The following NEDD9 variants were observed in gnomAD, a reference collection of about 807,000 sequenced individuals.
NEDD9 encodes the protein enhancer of filamentation 1.
NEDD9 carries 26 observed loss-of-function variants against 76.6 expected under a neutral mutation model. The observed-to-expected ratio is 0.34, with a 90% confidence interval of 0.25 to 0.47. The LOEUF is 0.47. Ranked by LOEUF, NEDD9 falls within the 20% of genes least tolerant of loss-of-function variation. The pLI is 1.00. For synonymous variants in NEDD9, 392 were observed against 414.2 expected, an observed-to-expected ratio of 0.95 and a Z score of 0.65; for missense variants, 937 against 1,058.5, an observed-to-expected ratio of 0.89 and a Z score of 1.59.
intron 1 of NEDD9, among the ~76,000 whole-genome samples, chr6:11,346,411 G>A (rs746655569): frequency 2.6e-5 from 4 of 151,928 alleles, no homozygotes; most frequent in African/African-American, 4.8e-5. Context: ...AAAGAGCAAC[G>A]CTGTTAATTA....
In NEDD9 at chr6:11,210,949, GC is replaced by G. The variant is rs561810560; in HGVS notation, c.459+2331del. 2.1e-3 allele frequency among the ~76,000 whole-genome samples: 315 copies of G among 152,274 alleles called. 2 individuals are homozygous for G. Among genetic ancestry groups the G allele is most frequent in the African/African-American group, 7.3e-3 (305 of 41,566 alleles). On this transcript the variant is annotated intron_variant, in intron 2 of 6. Coordinates refer to ENST00000379446, the MANE Select transcript of NEDD9 (RefSeq NM_006403.4). ...GCCCTTGGTATTTGGCAGGGAAGGT[GC>G]CAGGGCCACCCTCTTGCCCTCCCCA...
chr6:11,245,787 C>T (rs1759794940), intron 3 of NEDD9, among the ~76,000 whole-genome samples: 2 of 152,106 alleles, frequency 1.3e-5, no homozygotes, highest in South Asian at 4.1e-4. Context: ...TGCTCTTGTA[C>T]AATATATTTA....
chr6:11,293,340 C>T (rs377195338), intron 3 of NEDD9, among the ~76,000 whole-genome samples: 57 of 152,178 alleles, frequency 3.7e-4, no homozygotes, highest in African/African-American at 1.3e-3. Context: ...ACCTTTCTGG[C>T]GCCACAGTGC....
At chr6:11,277,243 C>T (rs1760436763) in intron 3 of NEDD9, among the ~76,000 whole-genome samples, 2 of 152,194 alleles carry the variant, frequency 1.3e-5, no homozygotes, top group South Asian at 2.1e-4. Context: ...CCTCTACTTA[C>T]ACCACTGAGT....
intron 1 of NEDD9, among the ~76,000 whole-genome samples, chr6:11,227,265 A>G (rs1250946767): frequency 6.6e-6 from 1 of 152,212 alleles, no homozygotes; most frequent in Non-Finnish European, 1.5e-5. Flanking sequence ...TCTGTCACCA[A>G]GTCTTGAGTA....
rs138467058 is a variant in NEDD9 at position 11,338,649 on chromosome 6, C to T, written c.-213-4088G>A. 2.8e-3 allele frequency among the ~76,000 whole-genome samples: 428 copies of T among 152,170 alleles called. 1 individual carries two copies. Among genetic ancestry groups the T allele is most frequent in the African/African-American group, 8.8e-3 (366 of 41,506 alleles). On this transcript the variant is annotated intron_variant, in intron 1 of 3. Coordinates refer to the NEDD9 transcript ENST00000397378. ...CTTTTAAAAATTAAATTAGGCTGAG[C>T]GCAGTGGCTCACACCTGTAATCCCA...
Position 11,213,372 on chromosome 6 carries a change from C to T in NEDD9, c.368G>A (p.Gly123Asp), listed in dbSNP as rs1422284170. 2 of 1,613,946 alleles carry T rather than the reference C, an allele frequency of 1.2e-6. No individual in the cohort carries two copies. The highest frequency in any genetic ancestry group is 1.7e-6 in the Non-Finnish European group (2 of 1,180,024). Residue 123 changes from glycine (G) to aspartate (D), a missense_variant, in exon 2 of 7, where the codon GGC becomes GAC. Transcript: ENST00000379446. This position sits in a 1 kb window ranked among gnomAD's most constrained non-coding sequence, Gnocchi z 5.4. Reference protein sequence around the residue: ...QNQGIYQVPTGHGTQEQEVYQ... With the variant: ...QNQGIYQVPTDHGTQEQEVYQ... ...TACCTCTTGTTCTTGGGTGCCGTGG[C>T]CAGTGGGGACTTGGTAAATTCCCTG...
At chr6:11,315,488 C>A (rs935297102) in intron 2 of NEDD9, among the ~76,000 whole-genome samples, 1 of 152,222 alleles carries the variant, frequency 6.6e-6, no homozygotes, top group South Asian at 2.1e-4. Context: ...CCAATAAATA[C>A]CAGTGATCTT....
At chr6:11,265,313 A>G (rs778987591) in intron 3 of NEDD9, among the ~76,000 whole-genome samples, 2 of 152,342 alleles carry the variant, frequency 1.3e-5, no homozygotes, top group South Asian at 4.1e-4. Flanking sequence ...CTCACCAAAT[A>G]TCAGCAATGG....
At chr6:11,324,732 G>C (rs936123767) in intron 2 of NEDD9, among the ~76,000 whole-genome samples, 10 of 150,988 alleles carry the variant, frequency 6.6e-5, no homozygotes, top group African/African-American at 2.4e-4. Context: ...GGGAGTTCAT[G>C]AAGCTTCTAA....
Position 11,328,313 on chromosome 6 carries a change from C to T in NEDD9, c.-153+6188G>A, listed in dbSNP as rs1027965534. ...TGTCAAAAGTATCTCCACTGAGAAA[C>T]GCTGAATACAAGAATGGGCTTTACA... On this transcript the variant is annotated intron_variant, in intron 2 of 3. Coordinates refer to the NEDD9 transcript ENST00000397378. Among the ~76,000 whole-genome samples the T allele has an allele frequency of 7.9e-5, 12 of 152,334 alleles. 1 individual carries two copies. Among genetic ancestry groups the T allele is most frequent in the African/African-American group, 2.4e-4 (10 of 41,570 alleles).
chr6:11,270,987 C>T (rs1317046058), intron 3 of NEDD9, among the ~76,000 whole-genome samples: 1 of 152,122 alleles, frequency 6.6e-6, no homozygotes, highest in East Asian at 1.9e-4. Flanking sequence ...AAAGAGGAAC[C>T]GCAGTCAAGT....
In NEDD9 at chr6:11,232,607, A is replaced by G; in HGVS notation, c.-92T>C. 1.9e-6 allele frequency: 3 copies of G among 1,608,186 alleles called. No homozygotes were observed. Among genetic ancestry groups the G allele is most frequent in the Non-Finnish European group, 1.7e-6 (2 of 1,177,366 alleles). On this transcript the variant is annotated 5_prime_UTR_variant, in exon 1 of 7. Coordinates refer to ENST00000379446, the MANE Select transcript of NEDD9 (RefSeq NM_006403.4). ...GCCCCTCCATTGAGTGCAGCGCTAGATGAAAGCGAGAAGGTCCCGGGCAGA... is the reference window on the plus strand; with the variant it reads ...GCCCCTCCATTGAGTGCAGCGCTAGGTGAAAGCGAGAAGGTCCCGGGCAGA...
chr6:11,282,992 T>C (rs190636856), intron 3 of NEDD9, among the ~76,000 whole-genome samples: 330 of 152,370 alleles, frequency 2.2e-3, no homozygotes, highest in African/African-American at 7.1e-3. Context: ...TCCAGCGATC[T>C]CTTTATTGCA....
chr6:11,344,396 C>T (rs541071782), intron 1 of NEDD9, among the ~76,000 whole-genome samples: 4 of 152,254 alleles, frequency 2.6e-5, no homozygotes, highest in African/African-American at 9.6e-5. Flanking sequence ...GGAGTGTGGA[C>T]AAAATATCAG....
upstream of NEDD9, chr6:11,233,523 A>C (rs1287968815): frequency 1.9e-6 from 1 of 518,784 alleles, no homozygotes; most frequent in South Asian, 1.4e-5. Context: ...TGAACACTGC[A>C]GTGTTTTTCC....
At chr6:11,294,691 C>T (rs566982130) in intron 3 of NEDD9, among the ~76,000 whole-genome samples, 29 of 152,242 alleles carry the variant, frequency 1.9e-4, no homozygotes, top group Non-Finnish European at 3.5e-4. Context: ...CAACAGTATA[C>T]GTGGGTTCCC....
chr6:11,271,851 T>C (rs1340075882), intron 3 of NEDD9: 1 of 152,174 alleles, frequency 6.6e-6, no homozygotes, highest in Non-Finnish European at 1.5e-5. Flanking sequence ...GGTAAAGAAA[T>C]GATAAACACG....
At chr6:11,332,926 C>A (rs931686323) in intron 2 of NEDD9, among the ~76,000 whole-genome samples, 1 of 152,106 alleles carries the variant, frequency 6.6e-6, no homozygotes, top group African/African-American at 2.4e-5. Flanking sequence ...TTAATAGTCC[C>A]CCTTATGTCA....
Sources: gnomAD v4.1 joint callset for allele counts (sites outside exome capture counted in the v4.1 genomes callset) on GRCh38, gnomAD v4.1.1 for gene constraint, Gnocchi (gnomAD v3.1) non-coding constraint, MANE v1.5 for transcripts, NCBI Gene and HGNC (gene_info 2026-07-23, HGNC 2026-07-21) for gene names.